The following TTC7A variants were observed in gnomAD, a reference collection of about 807,000 sequenced individuals.
TTC7A encodes tetratricopeptide repeat protein 7A.
In TTC7A, 110 loss-of-function variants were observed where a neutral mutation model predicts 103.7. The observed-to-expected ratio is 1.06, with a 90% CI of 0.91 to 1.24. TTC7A has a LOEUF of 1.24. Among genes scored for constraint, TTC7A ranks in the 50% most tolerant of loss-of-function variants. The probability of loss-of-function intolerance (pLI) is 0.00; values close to 1 mark genes in which losing one functional copy is unlikely to be tolerated. For missense variants in TTC7A, 1,340 were observed against 1,116.3 expected (o/e 1.20, Z -2.86); for synonymous variants, 521 against 467.9 (o/e 1.11, Z -1.47).
In TTC7A at chr2:47,038,660, G is replaced by T. The variant is rs1256785100; in HGVS notation, c.1803-7655G>T. On this transcript the variant is annotated intron_variant, in intron 15 of 19. Coordinates refer to ENST00000319190, the MANE Select transcript of TTC7A (RefSeq NM_020458.4). Reference sequence around the variant, plus strand: ...CCACCCTCCCCCCACCCACCCCCCCGACACACAGAGGGTTCCCAGAATGGC... The same window carrying T: ...CCACCCTCCCCCCACCCACCCCCCCTACACACAGAGGGTTCCCAGAATGGC... Among the ~76,000 whole-genome samples the T allele has an allele frequency of 3.9e-5, 3 of 76,114 alleles. No individual in the cohort carries two copies. The Admixed American group carries it at 6.7e-4, about 17-fold the overall frequency. 49.9% of individuals were successfully genotyped at this position (76,114 alleles called of 152,430 possible). A position where few individuals can be genotyped will look rare whatever the true frequency, so the allele number is the denominator to read the frequency against.
intron 2 of TTC7A, among the ~76,000 whole-genome samples, chr2:46,925,087 C>A (rs1236484978): frequency 2.0e-5 from 3 of 152,188 alleles, no homozygotes; most frequent in African/African-American, 7.2e-5. Context: ...TAATACAGAT[C>A]TGTTTGTTGC....
intron 2 of TTC7A, among the ~76,000 whole-genome samples, chr2:46,921,143 C>G (rs1669082872): frequency 6.6e-6 from 1 of 152,096 alleles, no homozygotes; most frequent in South Asian, 2.1e-4. Flanking sequence ...ATTGAAAGTG[C>G]TTTAGTATAT....
chr2:46,974,105 T>C (rs1249072356), intron 3 of TTC7A, among the ~76,000 whole-genome samples: 1 of 152,194 alleles, frequency 6.6e-6, no homozygotes, highest in Non-Finnish European at 1.5e-5. Context: ...TGAAATGCAG[T>C]TCAGTCACTC....
intron 2 of TTC7A, among the ~76,000 whole-genome samples, chr2:46,925,946 C>A (rs920212168): frequency 6.6e-6 from 1 of 152,132 alleles, no homozygotes; most frequent in Admixed American, 6.6e-5. Context: ...CAGCTAAGAT[C>A]TTATTTTTTG....
intron 3 of TTC7A, among the ~76,000 whole-genome samples, chr2:46,963,070 C>T (rs1180739998): frequency 6.6e-6 from 1 of 152,222 alleles, no homozygotes; most frequent in Non-Finnish European, 1.5e-5. Context: ...CTCAGGCACC[C>T]ACCCCTGGCT....
At chr2:46,981,494 G>A (rs942544171) in intron 5 of TTC7A, among the ~76,000 whole-genome samples, 1 of 152,180 alleles carries the variant, frequency 6.6e-6, no homozygotes, top group Non-Finnish European at 1.5e-5. Context: ...GGGGCAGAGA[G>A]GGTGGGATGA....
intron 18 of TTC7A, among the ~76,000 whole-genome samples, chr2:47,059,897 C>G (rs1683628664): frequency 6.6e-6 from 1 of 152,128 alleles, no homozygotes; most frequent in Non-Finnish European, 1.5e-5. Flanking sequence ...TGGCTCATGC[C>G]TATAATCTCG....
chr2:47,019,374 T>TA lies in TTC7A; in HGVS notation c.1393-2477dup, dbSNP rs1042935150. Among the ~76,000 whole-genome samples the TA allele has an allele frequency of 8.8e-3, 1,322 of 150,116 alleles. 17 individuals carry two copies. Among genetic ancestry groups the TA allele is most frequent in the African/African-American group, 0.029 (1,197 of 41,046 alleles). ...ATAGTGAGACACCATTTTCTATTTT[T>TA]AAAAAAAAAAACACACACAAAAAGA... On this transcript the variant is annotated intron_variant, in intron 11 of 19. Transcript: ENST00000319190.
Position 46,959,291 on chromosome 2 carries a change from G to A in TTC7A, c.517+2284G>A, listed in dbSNP as rs565334404. Among the ~76,000 whole-genome samples the A allele has an allele frequency of 1.1e-4, 16 of 152,290 alleles. No individual in the cohort carries two copies. The East Asian group carries it at 1.4e-3, about 13-fold the overall frequency. On this transcript the variant is annotated intron_variant, in intron 3 of 19. Coordinates refer to ENST00000319190, the MANE Select transcript of TTC7A (RefSeq NM_020458.4). ...AGGCAGCCCCTCGGTCTTGGGCTCC[G>A]TTTGATGCTGGGCTGCCTGCAGGAG... is the stretch of plus-strand genomic sequence containing the variant.
At chr2:47,024,593 C>G (rs1679679675) in intron 14 of TTC7A, among the ~76,000 whole-genome samples, 1 of 152,134 alleles carries the variant, frequency 6.6e-6, no homozygotes, top group South Asian at 2.1e-4. Context: ...TCCGCCCTCA[C>G]TCCCCCTACA....
At chr2:46,926,832 G>C (rs1402571574) in intron 2 of TTC7A, among the ~76,000 whole-genome samples, 1 of 152,216 alleles carries the variant, frequency 6.6e-6, no homozygotes, top group Non-Finnish European at 1.5e-5. Context: ...TTCTCAGACA[G>C]AGGTTGTTAA....
At chr2:47,021,684 A>T (rs1679298428) in intron 11 of TTC7A, among the ~76,000 whole-genome samples, 178 bp from the exon 12 acceptor site, 1 of 152,232 alleles carries the variant, frequency 6.6e-6, no homozygotes, top group Non-Finnish European at 1.5e-5. Context: ...TCATGCTCTC[A>T]GCAGAACAAA....
At position 47,060,890 on chromosome 2, in the gene TTC7A, G is replaced by C. The variant is rs771994498; in HGVS notation, c.2274G>C (p.Lys758Asn). 101 of 1,614,036 alleles carry C rather than the reference G, an allele frequency of 6.3e-5. No homozygotes were observed. The highest frequency in any genetic ancestry group is 7.9e-5 in the Non-Finnish European group (93 of 1,180,016). ...TGCGGGGCCGGCTGGCTGAGGTGAA[G>C]GGCAACCTGGAGGAGGCCAAGCAGC... ...LYMRGRLAEV[K>N]GNLEEAKQLY... Residue 758 changes from lysine (K) to asparagine (N), a missense_variant, in exon 19 of 20, where the codon AAG becomes AAC. By Grantham distance (94) the Lys-to-Asn change is moderately conservative. Transcript: ENST00000319190.
intron 6 of TTC7A, 51 bp from the exon 7 acceptor site, chr2:46,994,306 G>A (rs748677822): frequency 2.5e-6 from 4 of 1,577,920 alleles, no homozygotes; most frequent in East Asian, 4.5e-5. Context: ...AGGTCATGCT[G>A]GGGTAGAGCT....
intron 9 of TTC7A, 37 bp from the exon 10 acceptor site, chr2:47,006,604 C>T: frequency 6.4e-7 from 1 of 1,571,810 alleles, no homozygotes; most frequent in Non-Finnish European, 8.8e-7. Context: ...GTGGGAGGAC[C>T]CCTGGTGGGT....
At chr2:47,038,594 C>A (rs1193780782) in intron 15 of TTC7A, among the ~76,000 whole-genome samples, 3 of 151,668 alleles carry the variant, frequency 2.0e-5, no homozygotes, top group Non-Finnish European at 4.4e-5. Flanking sequence ...AGAGATAATG[C>A]CCCTTTCTAT....
intron 11 of TTC7A, among the ~76,000 whole-genome samples, chr2:47,012,431 T>C (rs1273487095): frequency 6.6e-6 from 1 of 152,166 alleles, no homozygotes; most frequent in Non-Finnish European, 1.5e-5. Context: ...AAGTGGGCAC[T>C]TCCCCTGGAG....
exon 1 of TTC7A, chr2:46,916,325 A>G: frequency 3.4e-6 from 1 of 298,012 alleles, no homozygotes; most frequent in Non-Finnish European, 5.0e-6. Flanking sequence ...TGCCAGCTCC[A>G]CTGCACAAGC....
Position 46,930,272 on chromosome 2 carries a change from C to G in TTC7A, c.82+12995C>G, listed in dbSNP as rs74262787. Among the ~76,000 whole-genome samples, 30 of 151,096 alleles carry G rather than the reference C, an allele frequency of 2.0e-4. No homozygotes were observed. The East Asian group carries it at 5.6e-3, about 28-fold the overall frequency. On this transcript the variant is annotated intron_variant, in intron 2 of 20. Coordinates refer to the TTC7A transcript ENST00000409245. ...AATTTATAAATCCCTGGAAAATTAT[C>G]AAGAAAAATTTTAAAAAGAGATAAT...
Sources: allele counts gnomAD v4.1 joint callset (sites outside exome capture counted in the v4.1 genomes callset), GRCh38; gene constraint gnomAD v4.1.1; transcripts MANE v1.5; gene names NCBI Gene and HGNC (gene_info 2026-07-23, HGNC 2026-07-21).